The following ABLIM1 variants were observed in gnomAD, a reference collection of about 807,000 sequenced individuals.
The protein encoded by ABLIM1 is actin-binding LIM protein 1.
Under a neutral mutation model 107.0 loss-of-function variants are expected in ABLIM1, and 40 were observed. That is an observed-to-expected ratio of 0.37 (90% confidence interval 0.29 to 0.49). The LOEUF is 0.49. ABLIM1 is among the 20% of genes least tolerant of loss of function. The probability of loss-of-function intolerance (pLI) is 0.97; values close to 1 mark genes in which losing one functional copy is unlikely to be tolerated. For missense variants in ABLIM1, 857 were observed against 1,008.5 expected (o/e 0.85, Z 2.04); for synonymous variants, 357 against 357.3 (o/e 1.00, Z 0.01).
At position 114,473,967 on chromosome 10, in the gene ABLIM1, AAC is replaced by A; in HGVS notation, c.1042-13_1042-12del. On this transcript the variant is annotated splice_polypyrimidine_tract_variant and intron_variant, in intron 8 of 22. Coordinates refer to ENST00000533213, the MANE Select transcript of ABLIM1 (RefSeq NM_002313.7). Reference sequence around the variant, plus strand: ...GGATGTCCTGGTAGGCTGTAAAATAAACAGTGACTTGTAAGACTTCGGACCCT... The same window carrying A: ...GGATGTCCTGGTAGGCTGTAAAATAAAGTGACTTGTAAGACTTCGGACCCT... 1.2e-6 allele frequency: 2 copies of A among 1,610,302 alleles called. No homozygotes were observed. The highest frequency in any genetic ancestry group is 1.7e-6 in the Non-Finnish European group (2 of 1,176,892).
intron 1 of ABLIM1, among the ~76,000 whole-genome samples, chr10:114,710,986 A>G (rs1782355689): frequency 6.6e-6 from 1 of 152,184 alleles, no homozygotes; most frequent in African/African-American, 2.4e-5. Context: ...AAGATGACCT[A>G]TAAGCTCATG....
At chr10:114,539,761 T>C (rs778490954) in intron 6 of ABLIM1, among the ~76,000 whole-genome samples, 8 of 152,180 alleles carry the variant, frequency 5.3e-5, no homozygotes, top group Non-Finnish European at 8.8e-5. Flanking sequence ...CTACCAAAGA[T>C]GGGAAGAAAT....
chr10:114,671,927 A>ATCATAGC (rs1403589794), intron 1 of ABLIM1, among the ~76,000 whole-genome samples: 1 of 152,138 alleles, frequency 6.6e-6, no homozygotes, highest in Non-Finnish European at 1.5e-5. Context: ...CAGTGGCACG[A>ATCATAGC]TCATAGCTCA....
chr10:114,698,236 C>G (rs2081235676), intron 1 of ABLIM1, among the ~76,000 whole-genome samples: 1 of 151,500 alleles, frequency 6.6e-6, no homozygotes, highest in African/African-American at 2.4e-5. Flanking sequence ...CAAACTGTAT[C>G]CATGAAGCTA....
intron 4 of ABLIM1, among the ~76,000 whole-genome samples, chr10:114,556,879 C>T (rs2497732): frequency 2.6e-5 from 4 of 151,978 alleles, no homozygotes; most frequent in African/African-American, 4.8e-5. Flanking sequence ...AAACACCATG[C>T]GTATGAGGTC....
chr10:114,461,392 GGTTT>G (rs900307353), intron 12 of ABLIM1, among the ~76,000 whole-genome samples: 1 of 102,372 alleles, frequency 9.8e-6, no homozygotes, highest in African/African-American at 5.1e-5. Flanking sequence ...ACAACTGAAG[GGTTT>G]TTTTTTTTTT....
At chr10:114,660,858 T>A (rs1048473843), upstream of ABLIM1, among the ~76,000 whole-genome samples, 2 of 152,226 alleles carry the variant, frequency 1.3e-5, no homozygotes, top group African/African-American at 4.8e-5. Flanking sequence ...AGAGACTATT[T>A]CCTTCAAACC....
chr10:114,668,500 C>T (rs181995835), intron 1 of ABLIM1, among the ~76,000 whole-genome samples: 345 of 152,092 alleles, frequency 2.3e-3, no homozygotes, highest in African/African-American at 8.0e-3. Context: ...TTCTTTCTTT[C>T]GTTTATTTAT....
rs1190945119 is a variant in ABLIM1 at position 114,690,563 on chromosome 10, TG to T, written c.-213+77497del. 20 of 1,088,952 alleles carry T rather than the reference TG, an allele frequency of 1.8e-5. No homozygotes were observed. In the Admixed American group the frequency reaches 3.4e-4, roughly 18 times the overall value. The allele number at this position is 1,088,952 out of a possible 1,614,324, so 67.5% of individuals were successfully genotyped here. Reference sequence around the variant, plus strand: ...TTTCTGCTGTCTTTGGAAACTTGTCTGCAAACAGCTCAAAGGAGATGCAGCC... The same window carrying T: ...TTTCTGCTGTCTTTGGAAACTTGTCTCAAACAGCTCAAAGGAGATGCAGCC... On this transcript the variant is annotated intron_variant, in intron 1 of 15. Transcript: ENST00000651092.
intron 6 of ABLIM1, among the ~76,000 whole-genome samples, chr10:114,524,445 A>G (rs1469976768): frequency 6.6e-6 from 1 of 152,222 alleles, no homozygotes; most frequent in Non-Finnish European, 1.5e-5. Flanking sequence ...TCCTAAAAAA[A>G]TCAAAACAGT....
chr10:114,605,504 T>A (rs115913251), intron 1 of ABLIM1, among the ~76,000 whole-genome samples: 1 of 152,186 alleles, frequency 6.6e-6, no homozygotes, highest in Non-Finnish European at 1.5e-5. Context: ...CCCAAAGTCA[T>A]CAGGAGTTAC....
At chr10:114,528,015 T>A (rs1036868299) in intron 6 of ABLIM1, among the ~76,000 whole-genome samples, 10 of 152,030 alleles carry the variant, frequency 6.6e-5, no homozygotes, top group African/African-American at 2.4e-4. Flanking sequence ...TTTTTGTATT[T>A]TTAGTAGAGA....
Position 114,445,297 on chromosome 10 carries a change from A to G in ABLIM1, c.1827+15T>C. 1.9e-6 allele frequency: 3 copies of G among 1,608,426 alleles called. No individual in the cohort carries two copies. The highest frequency in any genetic ancestry group is 2.6e-6 in the Non-Finnish European group (3 of 1,174,796). On this transcript the variant is annotated intron_variant, in intron 16 of 22. Coordinates refer to ENST00000533213, the MANE Select transcript of ABLIM1 (RefSeq NM_002313.7). ...CTAGCATTGAAGACAGCAGCAAGGT[A>G]GTTTAAGGACAAACCTTCATTAATT...
chr10:114,466,367 A>C (rs2065160213), intron 11 of ABLIM1, among the ~76,000 whole-genome samples: 1 of 152,216 alleles, frequency 6.6e-6, no homozygotes, highest in South Asian at 2.1e-4. Flanking sequence ...AGATAGGGCT[A>C]TGGGACAAGA....
At chr10:114,757,580 T>C (rs1280173078) in intron 1 of ABLIM1, among the ~76,000 whole-genome samples, 1 of 152,166 alleles carries the variant, frequency 6.6e-6, no homozygotes, top group Non-Finnish European at 1.5e-5. Context: ...CATCAGCAAG[T>C]TCTCTAAGCA....
intron 20 of ABLIM1, 137 bp downstream of exon 20, chr10:114,439,945 A>C: frequency 6.9e-7 from 1 of 1,449,950 alleles, no homozygotes; most frequent in South Asian, 1.2e-5. Flanking sequence ...CTTCACGGCT[A>C]TAGAGTAATG....
chr10:114,577,102 T>C (rs2072691293), intron 2 of ABLIM1, among the ~76,000 whole-genome samples: 1 of 152,182 alleles, frequency 6.6e-6, no homozygotes, highest in Non-Finnish European at 1.5e-5. Flanking sequence ...CACAGAACCT[T>C]AGAGTGTTTT....
At chr10:114,716,443 A>ACACACC (rs769945611) in intron 1 of ABLIM1, among the ~76,000 whole-genome samples, 7 of 148,170 alleles carry the variant, frequency 4.7e-5, no homozygotes, top group African/African-American at 1.7e-4. Context: ...ACACACACAC[A>ACACACC]CCCCTCCCCA....
chr10:114,770,208 C>T (rs1310138085), upstream of ABLIM1, among the ~76,000 whole-genome samples: 2 of 152,174 alleles, frequency 1.3e-5, no homozygotes, highest in African/African-American at 2.4e-5. Context: ...AAACTGTCTT[C>T]ATCCAAGCAA....
Sources: allele counts gnomAD v4.1 joint callset (sites outside exome capture counted in the v4.1 genomes callset), GRCh38; gene constraint gnomAD v4.1.1; transcripts MANE v1.5; gene names NCBI Gene and HGNC (gene_info 2026-07-23, HGNC 2026-07-21).